The following GNB1 variants were observed in gnomAD, a reference collection of about 807,000 sequenced individuals.
The protein encoded by GNB1 is guanine nucleotide-binding protein G(I)/G(S)/G(T) subunit beta-1.
In GNB1, 2 loss-of-function variants were observed where a neutral mutation model predicts 42.9. The observed-to-expected ratio is 0.05, with a 90% CI of 0.02 to 0.15. The LOEUF is 0.15. Among genes scored for constraint, GNB1 ranks in the 10% least tolerant of loss-of-function variants. The pLI, the probability that GNB1 is intolerant of heterozygous loss-of-function variation, is 1.00. For missense variants in GNB1, 193 were observed against 462.2 expected (o/e 0.42, Z 5.34); for synonymous variants, 183 against 174.7 (o/e 1.05, Z -0.38).
intron 1 of GNB1, among the ~76,000 whole-genome samples, chr1:1,849,047 G>A (rs778862612): frequency 1.3e-5 from 2 of 152,312 alleles, no homozygotes; most frequent in East Asian, 3.9e-4. Flanking sequence ...AGACGGTTGG[G>A]GTTTGAAACC....
At chr1:1,849,960 A>G (rs1647891538) in intron 1 of GNB1, among the ~76,000 whole-genome samples, 1 of 151,512 alleles carries the variant, frequency 6.6e-6, no homozygotes, top group Non-Finnish European at 1.5e-5. Flanking sequence ...CTATAGTCTC[A>G]CAACTACTCA....
rs149410186 is a variant in GNB1, at chr1:1,810,882, G to A, written c.204-4344C>T. The stretch of plus-strand genomic sequence containing the variant: ...AGGGTTTCACCATATTGGGCAGGCT[G>A]GTCTCAAACTCCTGACCTCAGGTGA... On this transcript the variant is annotated intron_variant, in intron 5 of 11. Coordinates refer to ENST00000378609, the MANE Select transcript of GNB1 (RefSeq NM_002074.5). Among the ~76,000 whole-genome samples, 1,271 of 151,964 alleles carry A rather than the reference G, an allele frequency of 8.4e-3. 21 individuals carry two copies. The highest frequency in any genetic ancestry group is 0.029 in the African/African-American group (1,220 of 41,462).
At chr1:1,842,194 G>A (rs541337159) in intron 1 of GNB1, among the ~76,000 whole-genome samples, 2 of 152,210 alleles carry the variant, frequency 1.3e-5, no homozygotes, top group Non-Finnish European at 2.9e-5. Flanking sequence ...ACTCTGGGAG[G>A]CCAAGGCGGG....
intron 3 of GNB1, among the ~76,000 whole-genome samples, chr1:1,820,412 A>G (rs1321576461): frequency 6.6e-6 from 1 of 151,608 alleles, no homozygotes; most frequent in Non-Finnish European, 1.5e-5. Flanking sequence ...TAAATATACC[A>G]AATTTATACA....
At chr1:1,880,823 G>A (rs74046231) in intron 1 of GNB1, among the ~76,000 whole-genome samples, 321 of 152,218 alleles carry the variant, frequency 2.1e-3, no homozygotes, top group African/African-American at 7.6e-3. Context: ...CACTACGTCA[G>A]CATTTACTGT....
At chr1:1,862,531 G>A (rs1648690408) in intron 1 of GNB1, among the ~76,000 whole-genome samples, 2 of 151,420 alleles carry the variant, frequency 1.3e-5, no homozygotes, top group South Asian at 2.1e-4. Context: ...GCACAATTAC[G>A]GCTCACTGCA....
intron 1 of GNB1, among the ~76,000 whole-genome samples, chr1:1,844,903 T>G (rs1647541600): frequency 6.6e-6 from 1 of 152,026 alleles, no homozygotes; most frequent in Non-Finnish European, 1.5e-5. Context: ...GCCCCAAGAG[T>G]TTTGCCTAAA....
chr1:1,871,376 C>T (rs187621234), intron 1 of GNB1, among the ~76,000 whole-genome samples: 46 of 152,206 alleles, frequency 3.0e-4, no homozygotes, highest in Admixed American at 6.5e-5. Context: ...AGGAGTATTG[C>T]TTGAACGTAG....
intron 1 of GNB1, among the ~76,000 whole-genome samples, chr1:1,858,486 C>T (rs538021662): frequency 5.9e-5 from 9 of 152,154 alleles, no homozygotes; most frequent in Admixed American, 3.3e-4. Flanking sequence ...GGCAGCACCC[C>T]GAAGACTTAA....
chr1:1,872,791 A>G (rs1259795217), intron 1 of GNB1, among the ~76,000 whole-genome samples: 7 of 152,190 alleles, frequency 4.6e-5, no homozygotes, highest in African/African-American at 7.2e-5. Flanking sequence ...CTCCCCACAG[A>G]GAATGAACCA....
chr1:1,811,280 G>A (rs1646775061), intron 5 of GNB1, among the ~76,000 whole-genome samples: 1 of 151,616 alleles, frequency 6.6e-6, no homozygotes, highest in South Asian at 2.1e-4. Context: ...TAGAGATGGG[G>A]TTTCACCATG....
intron 1 of GNB1, among the ~76,000 whole-genome samples, chr1:1,851,192 C>T (rs1647961168): frequency 6.6e-6 from 1 of 152,140 alleles, no homozygotes; most frequent in East Asian, 1.9e-4. Context: ...GTGTGGATCA[C>T]CTGAGGTCGG....
chr1:1,794,893 T>C lies in GNB1; in HGVS notation c.431-1582A>G, dbSNP rs573191612. 3.9e-5 allele frequency among the ~76,000 whole-genome samples: 6 copies of C among 152,254 alleles called. No individual in the cohort carries two copies. In the South Asian group the frequency reaches 1.2e-3, roughly 32 times the overall value. ...TTAGTAGAGATGGGGTTTCACCATG[T>C]TGGTCAGGATGGTCTTGATCTCTTG... On this transcript the variant is annotated intron_variant, in intron 7 of 11. Transcript: ENST00000378609.
chr1:1,805,289 T>C (rs1191851081), intron 6 of GNB1, among the ~76,000 whole-genome samples: 2 of 151,978 alleles, frequency 1.3e-5, no homozygotes, highest in Non-Finnish European at 2.9e-5. Context: ...GGTGAAACCC[T>C]GTCTGTGCTA....
At chr1:1,824,499 T>C (rs1228419304) in intron 3 of GNB1, among the ~76,000 whole-genome samples, 1 of 152,170 alleles carries the variant, frequency 6.6e-6, no homozygotes, top group Non-Finnish European at 1.5e-5. Flanking sequence ...CAGACTGGAA[T>C]TTAATGTTTT....
chr1:1,785,819 GAAAT>G lies in GNB1; in HGVS notation c.*1240_*1243del, dbSNP rs537083830. On this transcript the variant is annotated 3_prime_UTR_variant, in exon 12 of 12. Transcript: ENST00000378609. ...GCAACAGAACTTTTTTTTTTTTAAAGAAATAAAGAAAACAGTGACTTATCCCGCT... is the reference window on the plus strand; with the variant it reads ...GCAACAGAACTTTTTTTTTTTTAAAGAAAGAAAACAGTGACTTATCCCGCT... 130 of 234,816 alleles carry G rather than the reference GAAAT, an allele frequency of 5.5e-4. No individual in the cohort carries two copies. Among genetic ancestry groups the G allele is most frequent in the Middle Eastern group, 1.3e-3 (1 of 762 alleles). 14.5% of individuals were successfully genotyped at this position (234,816 alleles called of 1,614,324 possible). A position where few individuals can be genotyped will look rare whatever the true frequency, so the allele number is the denominator to read the frequency against.
At chr1:1,856,136 C>T (rs182958070) in intron 1 of GNB1, among the ~76,000 whole-genome samples, 1 of 152,206 alleles carries the variant, frequency 6.6e-6, no homozygotes, top group Non-Finnish European at 1.5e-5. Context: ...ATCCTCCCAT[C>T]TCAGTCTCCT....
At chr1:1,876,139 A>T (rs1649533857) in intron 1 of GNB1, among the ~76,000 whole-genome samples, 1 of 152,204 alleles carries the variant, frequency 6.6e-6, no homozygotes, top group Non-Finnish European at 1.5e-5. Flanking sequence ...CCTTGATTTC[A>T]GACTTCTGTC....
At chr1:1,825,240 G>C in intron 3 of GNB1, 157 bp downstream of exon 3, 1 of 646,162 alleles carries the variant, frequency 1.5e-6, no homozygotes, top group Non-Finnish European at 2.8e-6. Flanking sequence ...ACTAGGCTAA[G>C]TATCTAGATC....
Sources: gnomAD v4.1 joint callset for allele counts (sites outside exome capture counted in the v4.1 genomes callset) on GRCh38, gnomAD v4.1.1 for gene constraint, MANE v1.5 for transcripts, NCBI Gene and HGNC (gene_info 2026-07-23, HGNC 2026-07-21) for gene names.